Variants in LRP1B observed in about 807,000 individuals in gnomAD.
LRP1B encodes LDL receptor related protein 1B.
Under a neutral mutation model 556.6 loss-of-function variants are expected in LRP1B, and 217 were observed. The ratio of observed to expected loss-of-function variants is 0.39; its 90% CI spans 0.35 to 0.44. The LOEUF (loss-of-function observed/expected upper bound fraction) is 0.44, where lower values mean the gene tolerates loss of function less well. Among genes scored for constraint, LRP1B ranks in the 20% least tolerant of loss-of-function variants. The probability of loss-of-function intolerance (pLI) is 1.00; values close to 1 mark genes in which losing one functional copy is unlikely to be tolerated. For missense variants in LRP1B, 5,053 were observed against 5,620.8 expected (o/e 0.90, Z 3.23); for synonymous variants, 2,047 against 1,865.8 (o/e 1.10, Z -2.50).
intron 1 of LRP1B, among the ~76,000 whole-genome samples, chr2:142,009,634 G>T (rs976330264): frequency 1.3e-5 from 2 of 151,970 alleles, no homozygotes; most frequent in African/African-American, 4.8e-5. Flanking sequence ...GTTGTCAAGG[G>T]CATCTTCAGT....
At chr2:141,704,402 AAAG>A (rs1413956011) in intron 2 of LRP1B, among the ~76,000 whole-genome samples, 2 of 151,984 alleles carry the variant, frequency 1.3e-5, no homozygotes, top group Non-Finnish European at 2.9e-5. Context: ...CTCAATCATC[AAAG>A]AAGTACGTAC....
At chr2:141,287,677 C>T (rs994790336) in intron 3 of LRP1B, among the ~76,000 whole-genome samples, 5 of 152,094 alleles carry the variant, frequency 3.3e-5, no homozygotes, top group Non-Finnish European at 7.4e-5. Context: ...GATTTCTTAT[C>T]GTTATGCTTT....
chr2:141,655,197 T>A (rs180741291), intron 2 of LRP1B, among the ~76,000 whole-genome samples: 282 of 152,310 alleles, frequency 1.9e-3, no homozygotes, highest in Non-Finnish European at 9.8e-4. Context: ...AAATTTGATC[T>A]CCTTGGTCAC....
At chr2:141,141,372 A>C (rs1701648634) in intron 7 of LRP1B, among the ~76,000 whole-genome samples, 2 of 152,126 alleles carry the variant, frequency 1.3e-5, no homozygotes, top group Admixed American at 1.3e-4. Flanking sequence ...TTTATGTGTC[A>C]AATCAATTGT....
chr2:141,390,441 G>A (rs760873224), intron 3 of LRP1B, among the ~76,000 whole-genome samples: 26 of 152,210 alleles, frequency 1.7e-4, no homozygotes, highest in Admixed American at 7.2e-4. Flanking sequence ...CAAATCCTAC[G>A]TACATATCCA....
At chr2:140,620,171 A>G (rs1008504800) in intron 41 of LRP1B, among the ~76,000 whole-genome samples, 3 of 152,202 alleles carry the variant, frequency 2.0e-5, no homozygotes, top group Admixed American at 1.3e-4. Context: ...ATGAATTTTA[A>G]TAAAGACAGA....
intron 12 of LRP1B, 127 bp from the exon 13 acceptor site, chr2:141,016,042 G>C (rs1697890359): frequency 1.4e-6 from 1 of 701,770 alleles, no homozygotes. Flanking sequence ...CTATCTAAGT[G>C]CTTATCTGTC....
chr2:140,732,737 A>C (rs896989023), intron 35 of LRP1B, among the ~76,000 whole-genome samples: 12 of 152,154 alleles, frequency 7.9e-5, no homozygotes, highest in Admixed American at 5.2e-4. Flanking sequence ...AGCTGGCATT[A>C]TCAGGTAAAT....
At chr2:141,720,229 T>G (rs1262120499) in intron 2 of LRP1B, among the ~76,000 whole-genome samples, 1 of 152,134 alleles carries the variant, frequency 6.6e-6, no homozygotes, top group Non-Finnish European at 1.5e-5. Flanking sequence ...TACTGAAGAC[T>G]AGAGTGAAGG....
intron 49 of LRP1B, among the ~76,000 whole-genome samples, chr2:140,519,976 G>A (rs1044321164): frequency 3.3e-5 from 5 of 152,166 alleles, no homozygotes; most frequent in African/African-American, 1.2e-4. Context: ...AGGTGCTGGA[G>A]AGGATGTGGA....
chr2:141,963,238 T>C (rs1701452185), intron 1 of LRP1B, among the ~76,000 whole-genome samples: 1 of 151,926 alleles, frequency 6.6e-6, no homozygotes, highest in South Asian at 2.1e-4. Flanking sequence ...AACAAGAGTA[T>C]AGGTACCTAT....
intron 7 of LRP1B, among the ~76,000 whole-genome samples, chr2:141,109,164 C>T (rs1018556138): frequency 6.6e-6 from 1 of 152,196 alleles, no homozygotes; most frequent in East Asian, 1.9e-4. Flanking sequence ...ATTTTCCACA[C>T]TTCTGTGACT....
At position 140,752,972 on chromosome 2, in the gene LRP1B, C is replaced by T. The variant is rs977204764; in HGVS notation, c.5758+16241G>A. Among the ~76,000 whole-genome samples the T allele has an allele frequency of 5.9e-5, 9 of 152,276 alleles. 1 individual carries two copies. Among genetic ancestry groups the T allele is most frequent in the Admixed American group, 5.2e-4 (8 of 15,284 alleles). ...ACAAATGTATAATAACATGTATCCA[C>T]CAATATAATATCAAACAGAGTAGTT... On this transcript the variant is annotated intron_variant, in intron 35 of 90. Coordinates refer to ENST00000389484, the MANE Select transcript of LRP1B (RefSeq NM_018557.3).
intron 41 of LRP1B, among the ~76,000 whole-genome samples, chr2:140,691,331 C>T (rs1056793329): frequency 4.6e-5 from 7 of 151,832 alleles, no homozygotes; most frequent in Non-Finnish European, 1.0e-4. Context: ...ATTAGTCAGG[C>T]GTGGAGGCAC....
chr2:142,028,251 C>T (rs1431491994), intron 1 of LRP1B, among the ~76,000 whole-genome samples: 3 of 151,952 alleles, frequency 2.0e-5, no homozygotes, highest in Non-Finnish European at 4.4e-5. Context: ...CTGACAAATG[C>T]ACAGAGTTGT....
chr2:141,047,340 C>T (rs1007996247), intron 11 of LRP1B, among the ~76,000 whole-genome samples: 19 of 151,876 alleles, frequency 1.3e-4, no homozygotes, highest in South Asian at 2.1e-4. Flanking sequence ...AAAACAGGTA[C>T]GTTTTTATTT....
At chr2:141,850,837 A>G (rs1697826650) in intron 1 of LRP1B, among the ~76,000 whole-genome samples, 1 of 151,696 alleles carries the variant, frequency 6.6e-6, no homozygotes, top group Non-Finnish European at 1.5e-5. Flanking sequence ...TTCTTATTTG[A>G]TGAGTCTGGA....
At chr2:140,282,053 G>A (rs778338839) in intron 84 of LRP1B, among the ~76,000 whole-genome samples, 4 of 151,636 alleles carry the variant, frequency 2.6e-5, no homozygotes, top group South Asian at 4.2e-4. Flanking sequence ...GTCCTTCCTC[G>A]GTCTAACAAT....
intron 15 of LRP1B, among the ~76,000 whole-genome samples, chr2:140,999,036 GT>G (rs1697334684): frequency 6.6e-6 from 1 of 151,998 alleles, no homozygotes; most frequent in South Asian, 2.1e-4. Context: ...AATTCCATTT[GT>G]AGTTGTCTGC....
Sources: allele counts gnomAD v4.1 joint callset (sites outside exome capture counted in the v4.1 genomes callset), GRCh38; gene constraint gnomAD v4.1.1; transcripts MANE v1.5; gene names NCBI Gene and HGNC (gene_info 2026-07-23, HGNC 2026-07-21).